The following BCL6B variants were observed in gnomAD, a reference collection of about 807,000 sequenced individuals.
BCL6B encodes B-cell CLL/lymphoma 6 member B protein.
In BCL6B, 28 loss-of-function variants were observed where a neutral mutation model predicts 44.6. The observed-to-expected ratio is 0.63, with a 90% CI of 0.47 to 0.86. The LOEUF is 0.86. BCL6B is among the 40% of genes least tolerant of loss of function. The pLI, the probability that BCL6B is intolerant of heterozygous loss-of-function variation, is 0.00. For missense variants in BCL6B, 626 were observed against 652.3 expected (o/e 0.96, Z 0.44); for synonymous variants, 268 against 263.6 (o/e 1.02, Z -0.16).
At chr17:7,026,247 A>C (rs1224297125) in intron 5 of BCL6B, among the ~76,000 whole-genome samples, 1 of 152,182 alleles carries the variant, frequency 6.6e-6, no homozygotes, top group Non-Finnish European at 1.5e-5. Flanking sequence ...AGAGGAGATT[A>C]GCTGAGTACT....
intron 7 of BCL6B, 26 bp from the exon 8 acceptor site, chr17:7,026,924 A>C (rs1326740638): frequency 5.0e-6 from 8 of 1,611,390 alleles, no homozygotes; most frequent in Non-Finnish European, 6.8e-6. Context: ...TCCCAGAGGC[A>C]GGACTTGAAG....
At chr17:7,025,293 C>A in intron 5 of BCL6B, 93 bp downstream of exon 5, 1 of 1,503,892 alleles carries the variant, frequency 6.6e-7, no homozygotes, top group Non-Finnish European at 9.0e-7. Context: ...CCAATGGTTC[C>A]TAAACTTTAT....
At chr17:7,023,595 C>CTA in intron 1 of BCL6B, 65 bp from the exon 2 acceptor site, 1 of 1,473,588 alleles carries the variant, frequency 6.8e-7, no homozygotes, top group Non-Finnish European at 9.1e-7. Context: ...AAGGAAAAGG[C>CTA]AAACAGAGGA....
At position 7,025,099 on chromosome 17, in the gene BCL6B, T is replaced by G; in HGVS notation, c.788T>G (p.Val263Gly). The stretch of plus-strand genomic sequence containing the variant: ...AGGCTCTCTCCAACTGCTGCCACTG[T>G]GCAGTTCAAATGTGGGGCTCCAGCC... Reference protein sequence around the residue: ...QSRLSPTAATVQFKCGAPAST... With the variant: ...QSRLSPTAATGQFKCGAPAST... The change falls in exon 5 of 9, where the codon GTG becomes GGG. Residue 263 changes from valine (V) to glycine (G), a missense_variant. Coordinates refer to ENST00000293805, the MANE Select transcript of BCL6B (RefSeq NM_181844.4). The G allele has an allele frequency of 6.2e-7, 1 of 1,614,102 alleles. No homozygotes were observed. Among genetic ancestry groups the G allele is most frequent in the Non-Finnish European group, 8.5e-7 (1 of 1,179,982 alleles).
intron 2 of BCL6B, 69 bp downstream of exon 2, chr17:7,023,919 A>G (rs945781892): frequency 1.3e-6 from 2 of 1,568,022 alleles, no homozygotes; most frequent in Admixed American, 3.6e-5. Context: ...GTTGAGAGGG[A>G]ATCCGAAGCC....
In BCL6B at chr17:7,028,187, AGTTT is replaced by A; in HGVS notation, c.*573_*576del. On this transcript the variant is annotated 3_prime_UTR_variant, in exon 9 of 9. Coordinates refer to ENST00000293805, the MANE Select transcript of BCL6B (RefSeq NM_181844.4). Reference sequence around the variant, plus strand: ...TCTTTCTCCTGTTTGTTTGCTTGTTAGTTTGTTTAAAATGGAAAAAGGGGTTCTC... The same window carrying A: ...TCTTTCTCCTGTTTGTTTGCTTGTTAGTTTAAAATGGAAAAAGGGGTTCTC... 4 of 985,610 alleles carry A rather than the reference AGTTT, an allele frequency of 4.1e-6. No individual in the cohort carries two copies. The highest frequency in any genetic ancestry group is 5.2e-4 in the Middle Eastern group (1 of 1,914). 61.1% of individuals were successfully genotyped at this position (985,610 alleles called of 1,614,324 possible).
Position 7,029,198 on chromosome 17 carries a change from G to C in BCL6B, c.*1579G>C, listed in dbSNP as rs1001448415. 2.0e-6 allele frequency: 2 copies of C among 985,958 alleles called. No individual in the cohort carries two copies. Among genetic ancestry groups the C allele is most frequent in the Non-Finnish European group, 2.4e-6 (2 of 830,318 alleles). 61.1% of individuals were successfully genotyped at this position (985,958 alleles called of 1,614,324 possible). ...GTAGGATTAAGAGGTTGGTTGAGGGGTGCAGTTTCTGGTGTAGGCCAGGTA... is the reference window on the plus strand; with the variant it reads ...GTAGGATTAAGAGGTTGGTTGAGGGCTGCAGTTTCTGGTGTAGGCCAGGTA... On this transcript the variant is annotated 3_prime_UTR_variant, in exon 9 of 9. Coordinates refer to ENST00000293805, the MANE Select transcript of BCL6B (RefSeq NM_181844.4).
Position 7,029,554 on chromosome 17 carries a change from A to G in BCL6B, c.*1935A>G. On this transcript the variant is annotated 3_prime_UTR_variant, in exon 9 of 9. Coordinates refer to ENST00000293805, the MANE Select transcript of BCL6B (RefSeq NM_181844.4). ...GAAGGAATCATGATTTCTATTTAGC[A>G]GATTGGATGGGCAGGTGGAGAATGC... The G allele has an allele frequency of 8.8e-7, 1 of 1,142,088 alleles. No homozygotes were observed. Among genetic ancestry groups the G allele is most frequent in the Admixed American group, 4.1e-5 (1 of 24,234 alleles). 70.7% of individuals were successfully genotyped at this position (1,142,088 alleles called of 1,614,324 possible).
chr17:7,028,011 A>G lies in BCL6B; in HGVS notation c.*392A>G. ...GGGCCTTCATTCGATTGCATTTCCC[A>G]CTCCCCTCTTCCACAAGTGTGATTA... On this transcript the variant is annotated 3_prime_UTR_variant, in exon 9 of 9. Transcript: ENST00000293805. 1 of 1,016,074 alleles carries G rather than the reference A, an allele frequency of 9.8e-7. No homozygotes were observed. The highest frequency in any genetic ancestry group is 1.2e-6 in the Non-Finnish European group (1 of 848,926). The allele number at this position is 1,016,074 out of a possible 1,614,324, so 62.9% of individuals were successfully genotyped here.
intron 8 of BCL6B, 99 bp downstream of exon 8, chr17:7,027,186 T>G: frequency 2.0e-6 from 3 of 1,479,426 alleles, no homozygotes; most frequent in Non-Finnish European, 2.7e-6. Context: ...CCTAGATCTC[T>G]TAGAAATGAG....
chr17:7,023,958 TC>T, intron 2 of BCL6B, 108 bp downstream of exon 2: 1 of 1,531,764 alleles, frequency 6.5e-7, no homozygotes, highest in Non-Finnish European at 8.9e-7. Context: ...AGGCGGAGCG[TC>T]CCAGAATTGG....
At position 7,023,812 on chromosome 17, in the gene BCL6B, A is replaced by G. The variant is rs377439241; in HGVS notation, c.141A>G (p.Gln47=). 1,445 of 1,410,116 alleles carry G rather than the reference A, an allele frequency of 1.0e-3. 1 individual carries two copies. The highest frequency in any genetic ancestry group is 8.8e-4 in the Non-Finnish European group (924 of 1,054,986). 87.4% of individuals were successfully genotyped at this position (1,410,116 alleles called of 1,614,324 possible). A position where few individuals can be genotyped will look rare whatever the true frequency, so the allele number is the denominator to read the frequency against. The change falls in exon 2 of 9, where the codon CAA becomes CAG. Residue 47 remains glutamine (Q), a synonymous_variant. Coordinates refer to ENST00000293805, the MANE Select transcript of BCL6B (RefSeq NM_181844.4). ...ACGTCACGCTGCTGGTTGGCGGGCA[A>G]CCCCTCAGAGCACACAAGGCAGTTC... The part of the protein sequence containing the change: ...LTDVTLLVGG[Q]PLRAHKAVLI...
rs188996392 is a variant in BCL6B at position 7,026,694 on chromosome 17, T to C, written c.1055-11T>C. On this transcript the variant is annotated splice_polypyrimidine_tract_variant and intron_variant, in intron 6 of 8. Transcript: ENST00000293805. ...GCAAAGTCCCTGATCTCCCATGTTC[T>C]CTGCCTCCAGGGGAAAAGCCTTACC... 716 of 1,614,258 alleles carry C rather than the reference T, an allele frequency of 4.4e-4. 4 individuals are homozygous for C. In the African/African-American group the frequency reaches 7.9e-3, roughly 18 times the overall value.
At position 7,026,945 on chromosome 17, in the gene BCL6B, C is replaced by T. The variant is rs1490316983; in HGVS notation, c.1186-5C>T. On this transcript the variant is annotated splice_region_variant and splice_polypyrimidine_tract_variant and intron_variant, in intron 7 of 8. Transcript: ENST00000293805. Reference sequence around the variant, plus strand: ...AGGCAGGACTTGAAGTCTCCTCCCTCCCAGGTGGCACATCTGCGGGCGCAC... The same window carrying T: ...AGGCAGGACTTGAAGTCTCCTCCCTTCCAGGTGGCACATCTGCGGGCGCAC... 3 of 1,612,290 alleles carry T rather than the reference C, an allele frequency of 1.9e-6. No homozygotes were observed. The highest frequency in any genetic ancestry group is 2.5e-6 in the Non-Finnish European group (3 of 1,179,940).
rs1311866828 is a variant in BCL6B, at chr17:7,024,460, C to T, written c.461C>T (p.Thr154Met). The T allele has an allele frequency of 1.2e-6, 2 of 1,613,476 alleles. No homozygotes were observed. Among genetic ancestry groups the T allele is most frequent in the African/African-American group, 1.3e-5 (1 of 74,718 alleles). Residue 154 changes from threonine to methionine, a missense_variant, in exon 4 of 9, where the codon ACG becomes ATG. By Grantham distance (81) the Thr-to-Met change is moderately conservative. Transcript: ENST00000293805. The surrounding 1 kb of genome is among the most constrained non-coding windows in gnomAD (Gnocchi z 6.6). Reference sequence around the variant, plus strand: ...GAAGCAGAACCCCCAACACCCCCAACGGCCCCTCCACCAGGTAGTCCCAGG... The same window carrying T: ...GAAGCAGAACCCCCAACACCCCCAATGGCCCCTCCACCAGGTAGTCCCAGG... ...PLEAEPPTPP[T>M]APPPGSPRRS...
chr17:7,023,706 G>A lies in BCL6B; in HGVS notation c.35G>A (p.Gly12Asp). The change falls in exon 2 of 9, where the codon GGC becomes GAC. Residue 12 changes from glycine (G) to aspartate (D), a missense_variant. By Grantham distance (94) the Gly-to-Asp change is moderately conservative. Transcript: ENST00000293805. ...GSPAAPEGAL[G>D]YVREFTRHSS... ...CCCGCCGCCCCGGAGGGAGCGCTGGGCTACGTCCGCGAGTTCACTCGCCAC... is the reference window on the plus strand; with the variant it reads ...CCCGCCGCCCCGGAGGGAGCGCTGGACTACGTCCGCGAGTTCACTCGCCAC... The A allele has an allele frequency of 1.9e-6, 3 of 1,613,070 alleles. No homozygotes were observed. Among genetic ancestry groups the A allele is most frequent in the South Asian group, 1.1e-5 (1 of 91,066 alleles).
Position 7,027,613 on chromosome 17 carries a change from GC to G in BCL6B, c.1437del (p.Ter480SerfsTer2). On this transcript the variant is annotated frameshift_variant, in exon 9 of 9. Coordinates refer to ENST00000293805, the MANE Select transcript of BCL6B (RefSeq NM_181844.4). LOFTEE classifies it high-confidence loss of function. ...AAGTGCACTACCACATTCTCGGGGG[GC>G]CCTAGCTGAGCGCAGGCCCAGGCCC... Reference protein sequence around the residue: ...TKVHYHILGGP With the variant: ...TKVHYHILGGX 1 of 1,613,060 alleles carries G rather than the reference GC, an allele frequency of 6.2e-7. No homozygotes were observed.
Position 7,027,677 on chromosome 17 carries a change from G to A in BCL6B, c.*58G>A, listed in dbSNP as rs1382685751. Reference sequence around the variant, plus strand: ...GCGGGTGGGAAAGCTGCAGGCCCAGGCCTTGCTTCCCTATCAGGCTTGGGC... The same window carrying A: ...GCGGGTGGGAAAGCTGCAGGCCCAGACCTTGCTTCCCTATCAGGCTTGGGC... On this transcript the variant is annotated 3_prime_UTR_variant, in exon 9 of 9. Coordinates refer to ENST00000293805, the MANE Select transcript of BCL6B (RefSeq NM_181844.4). The A allele has an allele frequency of 6.2e-7, 1 of 1,605,302 alleles. No homozygotes were observed. The highest frequency in any genetic ancestry group is 1.3e-5 in the African/African-American group (1 of 74,740).
Position 7,024,099 on chromosome 17 carries a change from A to G in BCL6B, c.196A>G (p.Ile66Val), listed in dbSNP as rs368059971. Residue 66 changes from isoleucine to valine, a missense_variant, in exon 3 of 9, where the codon ATT becomes GTT. Coordinates refer to ENST00000293805, the MANE Select transcript of BCL6B (RefSeq NM_181844.4). This position sits in a 1 kb window ranked among gnomAD's most constrained non-coding sequence, Gnocchi z 6.6. ...LIACSGFFYS[I>V]FRGRAGVGVD... ...TCTCTCTAGTGGCTTCTTCTATTCA[A>G]TTTTCCGGGGCCGTGCGGGAGTCGG... The G allele has an allele frequency of 2.1e-4, 344 of 1,613,606 alleles. No homozygotes were observed. The highest frequency in any genetic ancestry group is 2.7e-4 in the Non-Finnish European group (324 of 1,179,988).
Sources: gnomAD v4.1 joint callset for allele counts (sites outside exome capture counted in the v4.1 genomes callset) on GRCh38, gnomAD v4.1.1 for gene constraint, Gnocchi (gnomAD v3.1) non-coding constraint, MANE v1.5 for transcripts, NCBI Gene and HGNC (gene_info 2026-07-23, HGNC 2026-07-21) for gene names.